DNMBP: variants seen among roughly 807,000 people sequenced by gnomAD.
DNMBP encodes the protein dynamin-binding protein.
In DNMBP, 87 loss-of-function variants were observed where a neutral mutation model predicts 150.0. The observed-to-expected ratio is 0.58, with a 90% CI of 0.49 to 0.69. DNMBP has a LOEUF of 0.69. DNMBP is among the 30% of genes least tolerant of loss of function. The pLI, the probability that DNMBP is intolerant of heterozygous loss-of-function variation, is 0.00. For missense variants in DNMBP, 1,774 were observed against 1,949.0 expected (o/e 0.91, Z 1.69); for synonymous variants, 711 against 750.4 (o/e 0.95, Z 0.86).
intron 4 of DNMBP, among the ~76,000 whole-genome samples, chr10:99,912,905 T>A (rs990088206): frequency 6.6e-6 from 1 of 152,178 alleles, no homozygotes; most frequent in Non-Finnish European, 1.5e-5. Flanking sequence ...TTTCAAAGAT[T>A]AAGTCAAATT....
At chr10:99,983,916 G>A (rs189719621) in intron 1 of DNMBP, among the ~76,000 whole-genome samples, 5 of 152,160 alleles carry the variant, frequency 3.3e-5, no homozygotes, top group Admixed American at 3.3e-4. Flanking sequence ...GTGGAAGGCC[G>A]CCTCAGTCCT....
intron 4 of DNMBP, among the ~76,000 whole-genome samples, chr10:99,941,952 GTGTCTCTTC>G (rs2040306031): frequency 6.6e-6 from 1 of 152,168 alleles, no homozygotes; most frequent in Non-Finnish European, 1.5e-5. Context: ...CCTCTGCCCT[GTGTCTCTTC>G]TGTCTATTCT....
chr10:99,975,065 T>G (rs1300234930), intron 1 of DNMBP, among the ~76,000 whole-genome samples: 1 of 152,188 alleles, frequency 6.6e-6, no homozygotes, highest in Non-Finnish European at 1.5e-5. Flanking sequence ...TGACCTCTGT[T>G]AATTTATAAT....
Position 99,914,079 on chromosome 10 carries a change from C to T in DNMBP, c.2261-4933G>A. The T allele has an allele frequency of 3.5e-6, 5 of 1,416,752 alleles. No individual in the cohort carries two copies. The South Asian group carries it at 4.7e-5, about 13-fold the overall frequency. The allele number at this position is 1,416,752 out of a possible 1,614,324, so 87.8% of individuals were successfully genotyped here. A position where few individuals can be genotyped will look rare whatever the true frequency, so the allele number is the denominator to read the frequency against. ...ACTCCTTTGAATAGGGTCGGCATTT[C>T]CCCCAGGCTTCCCACATTTACATAT... is the stretch of plus-strand genomic sequence containing the variant. On this transcript the variant is annotated intron_variant, in intron 4 of 16. Transcript: ENST00000324109.
At chr10:99,966,971 T>G (rs914940557) in intron 3 of DNMBP, among the ~76,000 whole-genome samples, 3 of 151,380 alleles carry the variant, frequency 2.0e-5, no homozygotes, top group Non-Finnish European at 4.4e-5. Context: ...TTTTTTTTTT[T>G]TTTTTTGTAG....
At chr10:99,909,459 A>T (rs61574041) in intron 4 of DNMBP, among the ~76,000 whole-genome samples, 2 of 152,236 alleles carry the variant, frequency 1.3e-5, no homozygotes, top group African/African-American at 4.8e-5. Flanking sequence ...GTCTGACCTT[A>T]TAAGACTTGC....
At chr10:99,973,984 A>C (rs2040703539) in intron 1 of DNMBP, among the ~76,000 whole-genome samples, 1 of 152,138 alleles carries the variant, frequency 6.6e-6, no homozygotes, top group African/African-American at 2.4e-5. Flanking sequence ...GACTCAGAAA[A>C]GGAAAAAGGA....
Position 99,955,877 on chromosome 10 carries a change from C to A in DNMBP, c.1597G>T (p.Val533Phe), listed in dbSNP as rs751241870. 2.5e-6 allele frequency: 4 copies of A among 1,614,092 alleles called. No individual in the cohort carries two copies. Among genetic ancestry groups the A allele is most frequent in the African/African-American group, 2.7e-5 (2 of 74,936 alleles). ...TGTGAATGTGTTGCTGCTTCCATAA[C>A]AAGCCCTTGGGCTTGCGGACCAGGC... ...MKPGPQAQGL[V>F]MEAATHSQGD... Residue 533 changes from valine (V) to phenylalanine (F), a missense_variant, in exon 4 of 17, where the codon GTT becomes TTT. Transcript: ENST00000324109.
chr10:99,979,869 C>T (rs1671539707), intron 1 of DNMBP, among the ~76,000 whole-genome samples: 1 of 152,206 alleles, frequency 6.6e-6, no homozygotes, highest in Admixed American at 6.5e-5. Flanking sequence ...AATGTCTCAG[C>T]TCCCATAAGG....
At chr10:99,898,002 A>G (rs1209147625) in intron 9 of DNMBP, 84 bp downstream of exon 9, 1 of 1,229,116 alleles carries the variant, frequency 8.1e-7, no homozygotes, top group East Asian at 2.3e-5. Context: ...GCCTTGTCCA[A>G]CTCTAGCGAA....
chr10:99,906,489 A>G (rs192634305), intron 6 of DNMBP, among the ~76,000 whole-genome samples: 3 of 152,274 alleles, frequency 2.0e-5, no homozygotes, highest in Admixed American at 2.0e-4. Flanking sequence ...CCCACAGAAC[A>G]TGACAGAAGT....
In DNMBP at chr10:99,921,050, G is replaced by A. The variant is rs1211192153; in HGVS notation, c.2261-11904C>T. ...AGTACACCAACTTCTAACCAGTTCCGCAAGGAACATCACTTACTATGGGAG... is the reference window on the plus strand; with the variant it reads ...AGTACACCAACTTCTAACCAGTTCCACAAGGAACATCACTTACTATGGGAG... On this transcript the variant is annotated intron_variant, in intron 4 of 16. Coordinates refer to ENST00000324109, the MANE Select transcript of DNMBP (RefSeq NM_015221.4). Among the ~76,000 whole-genome samples the A allele has an allele frequency of 2.6e-5, 4 of 152,206 alleles. No homozygotes were observed. The East Asian group carries it at 5.8e-4, about 22-fold the overall frequency.
chr10:99,993,239 T>C (rs1471606223), intron 1 of DNMBP, among the ~76,000 whole-genome samples: 3 of 152,060 alleles, frequency 2.0e-5, no homozygotes, highest in Non-Finnish European at 4.4e-5. Context: ...TTTCATAGCA[T>C]TGGGATGTAT....
chr10:99,880,099 T>G lies in DNMBP; in HGVS notation c.4260A>C (p.Ala1420=), dbSNP rs1372375456. 1.2e-6 allele frequency: 2 copies of G among 1,614,082 alleles called. No individual in the cohort carries two copies. The highest frequency in any genetic ancestry group is 4.5e-5 in the East Asian group (2 of 44,892). Residue 1420 remains alanine, a synonymous_variant, in exon 16 of 17, where the codon GCA becomes GCC. Coordinates refer to ENST00000324109, the MANE Select transcript of DNMBP (RefSeq NM_015221.4). Reference sequence around the variant, plus strand: ...TCTCTGAATTACTCGGATTTAGGGATGCACTGAGAGTTCCTTGGTCACATT... The same window carrying G: ...TCTCTGAATTACTCGGATTTAGGGAGGCACTGAGAGTTCCTTGGTCACATT... The part of the protein sequence containing the change: ...PKECDQGTLS[A]SLNPSNSESS...
intron 4 of DNMBP, among the ~76,000 whole-genome samples, chr10:99,917,939 A>C (rs1199318193): frequency 1.3e-5 from 2 of 148,798 alleles, no homozygotes; most frequent in African/African-American, 5.0e-5. Context: ...ACTGCACTCC[A>C]GCCTGAGCGA....
intron 1 of DNMBP, among the ~76,000 whole-genome samples, chr10:99,972,997 A>T (rs1472544360): frequency 6.6e-6 from 1 of 151,860 alleles, no homozygotes; most frequent in African/African-American, 2.4e-5. Context: ...GGCCAGGCTC[A>T]TCTCAAACTC....
intron 1 of DNMBP, among the ~76,000 whole-genome samples, chr10:99,992,588 G>A (rs549776091): frequency 9.4e-5 from 14 of 149,218 alleles, no homozygotes; most frequent in African/African-American, 3.0e-4. Context: ...GTGCGGTGGC[G>A]TGATCTCGGC....
At chr10:99,910,857 G>A (rs2133249559) in intron 4 of DNMBP, among the ~76,000 whole-genome samples, 1 of 152,326 alleles carries the variant, frequency 6.6e-6, no homozygotes, top group Middle Eastern at 3.4e-3. Flanking sequence ...TAATATGTAA[G>A]TACATAAATA....
Position 99,887,898 on chromosome 10 carries a change from C to T in DNMBP, c.3285+927G>A, listed in dbSNP as rs559267200. 2.7e-4 allele frequency among the ~76,000 whole-genome samples: 41 copies of T among 152,274 alleles called. 1 individual carries two copies. The South Asian group carries it at 6.8e-3, about 25-fold the overall frequency. ...GGAGTACAATGGCATGATCTCGGCT[C>T]ACCATGACCTCCACCTTCCAGGTTC... On this transcript the variant is annotated intron_variant, in intron 12 of 16. Transcript: ENST00000324109.
Sources: allele counts gnomAD v4.1 joint callset (sites outside exome capture counted in the v4.1 genomes callset), GRCh38; gene constraint gnomAD v4.1.1; transcripts MANE v1.5; gene names NCBI Gene and HGNC (gene_info 2026-07-23, HGNC 2026-07-21).